The following ABTB2 variants were observed in gnomAD, a reference collection of about 807,000 sequenced individuals.
ABTB2 encodes ankyrin repeat and BTB domain containing 2.
Under a neutral mutation model 104.1 loss-of-function variants are expected in ABTB2, and 56 were observed. The observed-to-expected ratio is 0.54, with a 90% CI of 0.43 to 0.67. The LOEUF is 0.67. Among genes scored for constraint, ABTB2 ranks in the 30% least tolerant of loss-of-function variants. ABTB2 has a pLI of 0.00. For missense variants in ABTB2, 1,279 were observed against 1,407.7 expected (o/e 0.91, Z 1.46); for synonymous variants, 606 against 608.2 (o/e 1.00, Z 0.05).
rs190120900 is a variant in ABTB2, at chr11:34,254,940, C to T, written c.884-50250G>A. 1.6e-3 allele frequency among the ~76,000 whole-genome samples: 238 copies of T among 152,282 alleles called. 5 individuals carry two copies. Among genetic ancestry groups the T allele is most frequent in the Non-Finnish European group, 3.4e-4 (23 of 68,010 alleles). On this transcript the variant is annotated intron_variant, in intron 1 of 16. Coordinates refer to ENST00000435224, the MANE Select transcript of ABTB2 (RefSeq NM_145804.3). ...TGCCAGCCTCACACCTCTGAGATTA[C>T]AGGTGCGAGCTACCATGCCCAGCCC...
At chr11:34,158,084 C>G (rs1329644784) in intron 14 of ABTB2, among the ~76,000 whole-genome samples, 1 of 152,188 alleles carries the variant, frequency 6.6e-6, no homozygotes, top group African/African-American at 2.4e-5. Context: ...CCCTGCCTGC[C>G]TAAGTGTTAG....
chr11:34,273,863 T>A (rs1854350143), intron 1 of ABTB2, among the ~76,000 whole-genome samples: 1 of 152,056 alleles, frequency 6.6e-6, no homozygotes, highest in Admixed American at 6.6e-5. Context: ...TCAAAAATAA[T>A]GATATTTGGC....
chr11:34,236,741 G>A (rs1255883885), intron 1 of ABTB2, among the ~76,000 whole-genome samples: 1 of 152,188 alleles, frequency 6.6e-6, no homozygotes, highest in African/African-American at 2.4e-5. Flanking sequence ...ACAAAGAACC[G>A]AGGAGGGTAG....
intron 14 of ABTB2, among the ~76,000 whole-genome samples, chr11:34,158,676 C>G (rs574239355): frequency 1.4e-4 from 21 of 152,374 alleles, no homozygotes; most frequent in African/African-American, 4.6e-4. Flanking sequence ...CCAGCCAGGT[C>G]TTCCTCTGGA....
chr11:34,223,224 C>G (rs1009166374), intron 1 of ABTB2, among the ~76,000 whole-genome samples: 16 of 152,136 alleles, frequency 1.1e-4, no homozygotes, highest in African/African-American at 3.9e-4. Context: ...CAGCCTGTTT[C>G]AGCAGAACCT....
chr11:34,212,723 T>G (rs1344086294), intron 1 of ABTB2, among the ~76,000 whole-genome samples: 6 of 152,178 alleles, frequency 3.9e-5, no homozygotes, highest in African/African-American at 1.4e-4. Flanking sequence ...TTCCTTCTTT[T>G]TCTAAGGTCA....
intron 1 of ABTB2, among the ~76,000 whole-genome samples, chr11:34,341,262 G>A (rs1353758922): frequency 6.6e-6 from 1 of 152,208 alleles, no homozygotes; most frequent in East Asian, 1.9e-4. Context: ...ACTTGCCTGA[G>A]GCCACGCAGC....
chr11:34,210,285 C>T lies in ABTB2; in HGVS notation c.884-5595G>A, dbSNP rs538631818. On this transcript the variant is annotated intron_variant, in intron 1 of 16. Coordinates refer to ENST00000435224, the MANE Select transcript of ABTB2 (RefSeq NM_145804.3). ...TTCTAGACTCTGACCCCTATGTGTG[C>T]GACAGCACTCAGGTGCACCCCTGAA... Among the ~76,000 whole-genome samples the T allele has an allele frequency of 5.9e-5, 9 of 152,302 alleles. No homozygotes were observed. In the South Asian group the frequency reaches 6.2e-4, roughly 11 times the overall value.
intron 3 of ABTB2, among the ~76,000 whole-genome samples, chr11:34,180,664 G>A (rs1853015069): frequency 6.6e-6 from 1 of 152,188 alleles, no homozygotes; most frequent in Non-Finnish European, 1.5e-5. Flanking sequence ...TGCTAGAGGA[G>A]GAAAAGGAAA....
intron 1 of ABTB2, among the ~76,000 whole-genome samples, chr11:34,298,160 A>G (rs1590246297): frequency 1.3e-5 from 2 of 151,880 alleles, no homozygotes; most frequent in Middle Eastern, 6.8e-3. Context: ...TAAGACACTC[A>G]GAGAAACCAA....
At position 34,154,141 on chromosome 11, in the gene ABTB2, T is replaced by A; in HGVS notation, c.2880+124A>T. On this transcript the variant is annotated intron_variant, in intron 16 of 16. Transcript: ENST00000435224. This position sits in a 1 kb window ranked among gnomAD's most constrained non-coding sequence, Gnocchi z 4.9. ...GCTAACCCTCCCTCAGCCTCTACAC[T>A]GCCCTCAGAAGCAGCCTGGTCACCT... 1.4e-6 allele frequency: 1 copy of A among 717,822 alleles called. No homozygotes were observed. Among genetic ancestry groups the A allele is most frequent in the African/African-American group, 1.7e-5 (1 of 57,684 alleles). The allele number at this position is 717,822 out of a possible 1,614,324, so 44.5% of individuals were successfully genotyped here. A position where few individuals can be genotyped will look rare whatever the true frequency, so the allele number is the denominator to read the frequency against.
At chr11:34,224,383 T>C (rs1853661349) in intron 1 of ABTB2, among the ~76,000 whole-genome samples, 1 of 152,122 alleles carries the variant, frequency 6.6e-6, no homozygotes, top group African/African-American at 2.4e-5. Context: ...CCTCAAGCCA[T>C]CCTCCCATCT....
At chr11:34,261,195 T>A (rs1854184012) in intron 1 of ABTB2, among the ~76,000 whole-genome samples, 1 of 151,852 alleles carries the variant, frequency 6.6e-6, no homozygotes, top group Non-Finnish European at 1.5e-5. Context: ...CTCACCTAGG[T>A]TTAATAACCT....
chr11:34,224,849 G>C (rs1304308518), intron 1 of ABTB2, among the ~76,000 whole-genome samples: 1 of 152,220 alleles, frequency 6.6e-6, no homozygotes, highest in East Asian at 1.9e-4. Flanking sequence ...GGAATGATTT[G>C]AGATAGTGGT....
chr11:34,345,035 C>G (rs1348744800), intron 1 of ABTB2, among the ~76,000 whole-genome samples: 1 of 152,196 alleles, frequency 6.6e-6, no homozygotes, highest in Non-Finnish European at 1.5e-5. Flanking sequence ...ACACTTGATA[C>G]TAAAGTCAAT....
chr11:34,188,881 T>C (rs976459475), intron 3 of ABTB2, among the ~76,000 whole-genome samples: 3 of 152,222 alleles, frequency 2.0e-5, no homozygotes, highest in African/African-American at 4.8e-5. Context: ...GCATCTGGAA[T>C]GGAACAAAGA....
At chr11:34,273,078 T>C (rs1036237101) in intron 1 of ABTB2, among the ~76,000 whole-genome samples, 1 of 152,126 alleles carries the variant, frequency 6.6e-6, no homozygotes, top group Non-Finnish European at 1.5e-5. Context: ...CATTCCATGA[T>C]TTTTAGCTTT....
intron 1 of ABTB2, among the ~76,000 whole-genome samples, chr11:34,344,172 T>C (rs1291053188): frequency 6.6e-6 from 1 of 152,118 alleles, no homozygotes; most frequent in South Asian, 2.1e-4. Context: ...TTTCCCAGAA[T>C]TGAAGGACAC....
chr11:34,331,473 T>G, intron 1 of ABTB2, among the ~76,000 whole-genome samples: 1 of 152,176 alleles, frequency 6.6e-6, no homozygotes, highest in Admixed American at 6.5e-5. Flanking sequence ...TATTTTGGAC[T>G]CCTTCCCATC....
Sources: allele counts gnomAD v4.1 joint callset (sites outside exome capture counted in the v4.1 genomes callset), GRCh38; gene constraint gnomAD v4.1.1; non-coding constraint Gnocchi (gnomAD v3.1); transcripts MANE v1.5; gene names NCBI Gene and HGNC (gene_info 2026-07-23, HGNC 2026-07-21).